CAPN7: variants seen among roughly 807,000 people sequenced by gnomAD.
CAPN7 encodes calpain 7.
Under a neutral mutation model 115.2 loss-of-function variants are expected in CAPN7, and 72 were observed. The observed-to-expected ratio is 0.63, with a 90% confidence interval of 0.52 to 0.76. The LOEUF (loss-of-function observed/expected upper bound fraction) is 0.76, where lower values mean the gene tolerates loss of function less well. Among genes scored for constraint, CAPN7 ranks in the 30% least tolerant of loss-of-function variants. CAPN7 has a pLI of 0.00. For synonymous variants in CAPN7, 344 were observed against 322.3 expected (o/e 1.07, Z -0.72); for missense variants, 905 against 971.5 (o/e 0.93, Z 0.91).
At chr3:15,209,779 C>T (rs375379809) in intron 1 of CAPN7, among the ~76,000 whole-genome samples, 2 of 152,178 alleles carry the variant, frequency 1.3e-5, no homozygotes, top group African/African-American at 4.8e-5. Flanking sequence ...TATGCACTGC[C>T]CCTTGTTTCC....
Position 15,206,456 on chromosome 3 carries a change from C to G in CAPN7, c.-40C>G. On this transcript the variant is annotated 5_prime_UTR_variant, in exon 1 of 21. Transcript: ENST00000253693. ...CAGTCCGCGAAGAGCCGTCCTGCGT[C>G]AGGGCCTCCTTCCCTGCCCCGGCGC... The G allele has an allele frequency of 6.8e-7, 1 of 1,461,480 alleles. No homozygotes were observed. The highest frequency in any genetic ancestry group is 9.3e-7 in the Non-Finnish European group (1 of 1,074,190). 90.5% of individuals were successfully genotyped at this position (1,461,480 alleles called of 1,614,324 possible).
At chr3:15,220,022 G>A (rs1024360541) in intron 4 of CAPN7, among the ~76,000 whole-genome samples, 7 of 152,060 alleles carry the variant, frequency 4.6e-5, no homozygotes, top group African/African-American at 1.4e-4. Context: ...CCAACGTGGC[G>A]AAACCCTGTC....
rs566957976 is a variant in CAPN7 at position 15,229,561 on chromosome 3, C to CTTTTT, written c.938+526_938+530dup. Among the ~76,000 whole-genome samples, 93 of 87,870 alleles carry CTTTTT rather than the reference C, an allele frequency of 1.1e-3. 2 individuals are homozygous for CTTTTT. The highest frequency in any genetic ancestry group is 1.7e-3 in the African/African-American group (42 of 24,266). The allele number at this position is 87,870 out of a possible 152,430, so 57.6% of individuals were successfully genotyped here. ...CATCAAAATTGGTTTTACTTTTTTTCTTTTTTTTTTTTTTTTTTTTTTTTT... is the reference window on the plus strand; with the variant it reads ...CATCAAAATTGGTTTTACTTTTTTTCTTTTTTTTTTTTTTTTTTTTTTTTTTTTTT... On this transcript the variant is annotated intron_variant, in intron 8 of 20. Coordinates refer to ENST00000253693, the MANE Select transcript of CAPN7 (RefSeq NM_014296.3).
chr3:15,239,233 T>C (rs1695196595), intron 12 of CAPN7, among the ~76,000 whole-genome samples: 1 of 152,220 alleles, frequency 6.6e-6, no homozygotes, highest in Admixed American at 6.5e-5. Flanking sequence ...CAGCCACAAT[T>C]TGTCACCATT....
intron 1 of CAPN7, chr3:15,210,824 C>G: frequency 7.8e-7 from 1 of 1,289,576 alleles, no homozygotes. Context: ...AACTCCTGCT[C>G]AAACAACTGG....
Position 15,239,906 on chromosome 3 carries a change from A to G in CAPN7, c.1408-567A>G, listed in dbSNP as rs1047908039. ...CTAAAGGGATCAAAGAGGGCCTTTC[A>G]GAAAAAGGGAACAGCATGATCAATT... On this transcript the variant is annotated intron_variant, in intron 12 of 20. Transcript: ENST00000253693. Among the ~76,000 whole-genome samples, 20 of 152,352 alleles carry G rather than the reference A, an allele frequency of 1.3e-4. No homozygotes were observed. The South Asian group carries it at 2.3e-3, about 17-fold the overall frequency.
At chr3:15,247,189 A>C in intron 18 of CAPN7, 138 bp from the exon 19 acceptor site, 1 of 634,846 alleles carries the variant, frequency 1.6e-6, no homozygotes, top group Middle Eastern at 4.3e-4. Context: ...GTCAGCAGCA[A>C]ATAAAGATGG....
intron 2 of CAPN7, among the ~76,000 whole-genome samples, chr3:15,213,225 G>A (rs182543437): frequency 1.6e-4 from 24 of 152,312 alleles, no homozygotes; most frequent in African/African-American, 5.8e-4. Flanking sequence ...CATAACCAGT[G>A]TTTTCAAATA....
intron 17 of CAPN7, 184 bp downstream of exon 17, chr3:15,245,855 A>G (rs950789977): frequency 4.5e-5 from 23 of 506,950 alleles, no homozygotes; most frequent in Non-Finnish European, 7.7e-5. Flanking sequence ...TTGAAAAGAA[A>G]TGTCTTTATT....
intron 2 of CAPN7, among the ~76,000 whole-genome samples, chr3:15,213,612 C>T (rs2045073980): frequency 6.6e-6 from 1 of 152,064 alleles, no homozygotes; most frequent in Admixed American, 6.5e-5. Context: ...ACATTTATGC[C>T]CTAGGGTCTT....
chr3:15,210,247 C>T (rs544133295), intron 1 of CAPN7, among the ~76,000 whole-genome samples: 1 of 152,034 alleles, frequency 6.6e-6, no homozygotes, highest in Admixed American at 6.5e-5. Flanking sequence ...AGTCCTCCTG[C>T]CTCAGACTCC....
chr3:15,218,515 C>A lies in CAPN7; in HGVS notation c.412C>A (p.Gln138Lys). The A allele has an allele frequency of 6.2e-7, 1 of 1,613,438 alleles. No individual in the cohort carries two copies. Among genetic ancestry groups the A allele is most frequent in the Non-Finnish European group, 8.5e-7 (1 of 1,179,452 alleles). ...ADKVLQNKLK[Q>K]LARQALDRAE... ...TAAAGTCCTGCAAAATAAACTGAAA[C>A]AGTTGGCTCGACAGGCACTAGACAG... The change falls in exon 4 of 21, where the codon CAG becomes AAG. Residue 138 changes from glutamine to lysine, a missense_variant. Physicochemically the swap from Gln to Lys is moderately conservative, Grantham distance 53. Around this residue, in one of 3 missense-constraint regions of CAPN7, gnomAD observed 271 missense variants for 239.6 expected, o/e 1.13. Transcript: ENST00000253693.
At chr3:15,206,777 G>A (rs372916208) in intron 1 of CAPN7, among the ~76,000 whole-genome samples, 180 bp downstream of exon 1, 2 of 152,192 alleles carry the variant, frequency 1.3e-5, no homozygotes, top group East Asian at 1.9e-4. Context: ...CCGACGCTGA[G>A]GCTGCGGGGA....
intron 6 of CAPN7, among the ~76,000 whole-genome samples, chr3:15,224,876 ATTTTTTTCACTCAGGTAGCTGTGTG>A (rs1160570432): frequency 6.6e-6 from 1 of 152,120 alleles, no homozygotes; most frequent in Non-Finnish European, 1.5e-5. Flanking sequence ...CAGTTAACAT[ATTTTTTTCACTCAGGTAGCTGTGTG>A]ATGCTAGTAA....
chr3:15,247,293 A>G, intron 18 of CAPN7, 34 bp from the exon 19 acceptor site: 1 of 1,454,636 alleles, frequency 6.9e-7, no homozygotes, highest in African/African-American at 1.5e-5. Context: ...TGGAAATGAA[A>G]TTTTGTTAAT....
At chr3:15,227,301 T>G (rs1694379637) in intron 6 of CAPN7, among the ~76,000 whole-genome samples, 1 of 152,204 alleles carries the variant, frequency 6.6e-6, no homozygotes, top group Admixed American at 6.5e-5. Context: ...CCTTGGTAAG[T>G]CATTAATCAC....
chr3:15,236,432 A>G (rs1227137815), intron 12 of CAPN7, among the ~76,000 whole-genome samples: 6 of 152,226 alleles, frequency 3.9e-5, no homozygotes, highest in African/African-American at 7.2e-5. Context: ...CTATTTCTTA[A>G]TGAAGGACCC....
chr3:15,234,988 T>C (rs1694903619), intron 11 of CAPN7, 37 bp from the exon 12 acceptor site: 2 of 1,577,470 alleles, frequency 1.3e-6, no homozygotes. Context: ...TACAAATGTG[T>C]TTTACTTTAA....
At chr3:15,250,042 C>T (rs901708073) in intron 19 of CAPN7, among the ~76,000 whole-genome samples, 19 of 150,186 alleles carry the variant, frequency 1.3e-4, no homozygotes, top group African/African-American at 4.1e-4. Context: ...GGATTACAGG[C>T]GTGAGCCACC....
Sources: gnomAD v4.1 joint callset for allele counts (sites outside exome capture counted in the v4.1 genomes callset) on GRCh38, gnomAD v4.1.1 for gene constraint, gnomAD v4.1.1 regional missense constraint, MANE v1.5 for transcripts, NCBI Gene and HGNC (gene_info 2026-07-23, HGNC 2026-07-21) for gene names.